Variants in PHF24 observed in about 807,000 individuals in gnomAD.
PHF24 encodes the protein PHD finger protein 24, also known as Galpha inhibitory interacting protein.
A neutral mutation model predicts 42.6 loss-of-function variants in PHF24; 25 were observed. The observed-to-expected ratio is 0.59, with a 90% CI of 0.43 to 0.82. PHF24 has a LOEUF of 0.82. Among genes scored for constraint, PHF24 ranks in the 40% least tolerant of loss-of-function variants. The pLI, the probability that PHF24 is intolerant of heterozygous loss-of-function variation, is 0.00. For synonymous variants in PHF24, 185 were observed against 204.8 expected, an observed-to-expected ratio of 0.90 and a Z score of 0.83; for missense variants, 470 against 538.1, an observed-to-expected ratio of 0.87 and a Z score of 1.25.
chr9:34,934,143 A>G, the PHF24 span, among the ~76,000 whole-genome samples: 1 of 152,176 alleles, frequency 6.6e-6, no homozygotes, highest in African/African-American at 2.4e-5. Flanking sequence ...GATTCTCAAA[A>G]TCACACTGGG....
chr9:34,765,933 A>C, the PHF24 span, among the ~76,000 whole-genome samples: 1 of 151,606 alleles, frequency 6.6e-6, no homozygotes, highest in African/African-American at 2.4e-5. Flanking sequence ...TTGTCTGTAA[A>C]GTATTTTATT....
At chr9:34,943,910 T>C in the PHF24 span, among the ~76,000 whole-genome samples, 1 of 152,234 alleles carries the variant, frequency 6.6e-6, no homozygotes, top group African/African-American at 2.4e-5. Context: ...GCCACCACTG[T>C]GGTGCTAGTG....
chr9:34,690,281 G>T, the PHF24 span: 8 of 1,613,748 alleles, frequency 5.0e-6, no homozygotes, highest in Non-Finnish European at 6.8e-6. Flanking sequence ...ACCCAGGGAT[G>T]GGTTTCTGGG....
the PHF24 span, among the ~76,000 whole-genome samples, chr9:34,949,279 A>G: frequency 6.6e-6 from 1 of 152,242 alleles, no homozygotes; most frequent in Non-Finnish European, 1.5e-5. Context: ...AGAGAAATGC[A>G]AATCAAAACC....
chr9:34,899,034 C>T, the PHF24 span, among the ~76,000 whole-genome samples: 3 of 152,198 alleles, frequency 2.0e-5, no homozygotes, highest in Non-Finnish European at 2.9e-5. Flanking sequence ...TGGTTTGGGG[C>T]TCATCGACAA....
intron 1 of PHF24, among the ~76,000 whole-genome samples, chr9:34,970,526 T>TGACTA (rs1826937530): frequency 6.6e-6 from 1 of 152,174 alleles, no homozygotes; most frequent in East Asian, 1.9e-4. Flanking sequence ...GTTTCCTTAC[T>TGACTA]GACTAATTCA....
At chr9:34,906,261 A>C in the PHF24 span, among the ~76,000 whole-genome samples, 3 of 152,112 alleles carry the variant, frequency 2.0e-5, no homozygotes, top group African/African-American at 7.2e-5. Flanking sequence ...GTTGGATTAC[A>C]ATTTGGTTTT....
the PHF24 span, among the ~76,000 whole-genome samples, chr9:34,689,047 G>C: frequency 6.6e-6 from 1 of 152,202 alleles, no homozygotes; most frequent in Non-Finnish European, 1.5e-5. The surrounding 1 kb of genome is among the most constrained non-coding windows in gnomAD (Gnocchi z 4.1). Flanking sequence ...TGGGAAGCCA[G>C]GTGGGCAGAG....
the PHF24 span, among the ~76,000 whole-genome samples, chr9:34,751,791 C>A: frequency 2.0e-5 from 3 of 152,086 alleles, no homozygotes; most frequent in South Asian, 2.1e-4. Flanking sequence ...AAGGATAGAT[C>A]ATTTGTTAGG....
the PHF24 span, chr9:34,835,215 A>G: frequency 1.0e-5 from 16 of 1,552,000 alleles, no homozygotes; most frequent in East Asian, 2.4e-5. Context: ...CCAGCCACAC[A>G]TGAACACCAG....
the PHF24 span, among the ~76,000 whole-genome samples, chr9:34,947,162 G>T: frequency 1.3e-5 from 2 of 152,214 alleles, no homozygotes; most frequent in Non-Finnish European, 2.9e-5. Context: ...TAGCCACAGT[G>T]GTTGTCCCAG....
chr9:34,936,502 A>G, the PHF24 span, among the ~76,000 whole-genome samples: 1 of 148,764 alleles, frequency 6.7e-6, no homozygotes, highest in Non-Finnish European at 1.5e-5. Context: ...CCGTCTGGGA[A>G]GTGAGGAGCG....
the PHF24 span, chr9:34,889,645 T>A: frequency 2.5e-6 from 1 of 398,580 alleles, no homozygotes; most frequent in Non-Finnish European, 4.4e-6. Flanking sequence ...TCTGGAAGGA[T>A]GATGCTCTTG....
the PHF24 span, among the ~76,000 whole-genome samples, chr9:34,911,713 TA>T: frequency 2.7e-4 from 40 of 146,878 alleles, no homozygotes; most frequent in Admixed American, 6.1e-4. Flanking sequence ...ATTTAAGATT[TA>T]AAAAAAAAAA....
chr9:34,798,437 C>T, the PHF24 span, among the ~76,000 whole-genome samples: 1 of 152,152 alleles, frequency 6.6e-6, no homozygotes, highest in Admixed American at 6.5e-5. Context: ...CAATGTTTAG[C>T]ACCCACTTAC....
At chr9:34,884,666 G>T in the PHF24 span, among the ~76,000 whole-genome samples, 2 of 152,220 alleles carry the variant, frequency 1.3e-5, no homozygotes, top group African/African-American at 4.8e-5. Context: ...GATGAGTGGA[G>T]ATAACTGAGC....
At chr9:34,954,689 A>G (rs1826330842), upstream of PHF24, among the ~76,000 whole-genome samples, 1 of 151,954 alleles carries the variant, frequency 6.6e-6, no homozygotes, top group African/African-American at 2.4e-5. Flanking sequence ...CTGTTTACAG[A>G]CAAAAGAGCA....
chr9:34,923,373 A>G, the PHF24 span, among the ~76,000 whole-genome samples: 3 of 152,106 alleles, frequency 2.0e-5, no homozygotes, highest in South Asian at 6.2e-4. Flanking sequence ...CTGGCCTTGT[A>G]TTTTTTGGAA....
At chr9:34,884,233 G>A in the PHF24 span, among the ~76,000 whole-genome samples, 5 of 152,268 alleles carry the variant, frequency 3.3e-5, no homozygotes, top group Admixed American at 3.3e-4. Flanking sequence ...GGGGAGTGGG[G>A]AGGGATAGCA....
Sources: gnomAD v4.1 joint callset for allele counts (sites outside exome capture counted in the v4.1 genomes callset) on GRCh38, gnomAD v4.1.1 for gene constraint, Gnocchi (gnomAD v3.1) non-coding constraint, MANE v1.5 for transcripts, NCBI Gene and HGNC (gene_info 2026-07-23, HGNC 2026-07-21) for gene names.